Variants in SOX5 observed in about 807,000 individuals in gnomAD.
SOX5 encodes SRY-box transcription factor 5, also known as transcription factor SOX-5.
SOX5 carries 9 observed loss-of-function variants against 92.0 expected under a neutral mutation model. The ratio of observed to expected loss-of-function variants is 0.10; its 90% CI spans 0.06 to 0.17. The LOEUF (loss-of-function observed/expected upper bound fraction) is 0.17. SOX5 is among the 10% of genes least tolerant of loss of function. The pLI is 1.00. For missense variants in SOX5, 642 were observed against 944.5 expected, an observed-to-expected ratio of 0.68 and a Z score of 4.20; for synonymous variants, 344 against 336.3, an observed-to-expected ratio of 1.02 and a Z score of -0.25.
At chr12:24,482,039 T>A (rs1946052652) in intron 1 of SOX5, among the ~76,000 whole-genome samples, 1 of 152,122 alleles carries the variant, frequency 6.6e-6, no homozygotes. Context: ...AAACAAAACA[T>A]GTGAATAGAA....
At chr12:23,725,723 G>A (rs75314168) in intron 6 of SOX5, among the ~76,000 whole-genome samples, 4,153 of 150,470 alleles carry the variant, frequency 0.028, 205 homozygotes, top group African/African-American at 0.095. Flanking sequence ...GTGTAGATAC[G>A]GAAGTCAGAT....
At chr12:24,150,922 T>A (rs1951589903) in intron 4 of SOX5, among the ~76,000 whole-genome samples, 1 of 152,102 alleles carries the variant, frequency 6.6e-6, no homozygotes, top group Non-Finnish European at 1.5e-5. Context: ...AACAAAGGCT[T>A]TGTTTTAGGA....
At chr12:24,106,530 T>C (rs559973957) in intron 4 of SOX5, among the ~76,000 whole-genome samples, 1 of 152,164 alleles carries the variant, frequency 6.6e-6, no homozygotes, top group East Asian at 1.9e-4. Flanking sequence ...GTGACTCATG[T>C]CTGTAATCCC....
chr12:23,863,936 C>T (rs1269365413), intron 2 of SOX5, among the ~76,000 whole-genome samples: 2 of 151,540 alleles, frequency 1.3e-5, no homozygotes, highest in Non-Finnish European at 2.9e-5. Flanking sequence ...AATACAGGCA[C>T]CTTGTTTTAT....
chr12:24,524,336 C>G (rs995087665), intron 1 of SOX5, among the ~76,000 whole-genome samples: 1 of 135,594 alleles, frequency 7.4e-6, no homozygotes, highest in African/African-American at 2.7e-5. Context: ...AATAAATCCC[C>G]TCCCATCTAT....
At chr12:24,397,553 TAGTA>T (rs1960358899) in intron 1 of SOX5, among the ~76,000 whole-genome samples, 1 of 152,154 alleles carries the variant, frequency 6.6e-6, no homozygotes, top group Admixed American at 6.5e-5. Flanking sequence ...TCTAAATATT[TAGTA>T]AGTATTTATT....
rs556034712 is a variant in SOX5, at chr12:23,903,055, T to C, written c.39-7031A>G. ...AGTTCTGATGGAAACAGGAAATATATACCTACTCATCCATTTATCCACCTA... is the reference window on the plus strand; with the variant it reads ...AGTTCTGATGGAAACAGGAAATATACACCTACTCATCCATTTATCCACCTA... On this transcript the variant is annotated intron_variant, in intron 1 of 14. Coordinates refer to ENST00000451604, the MANE Select transcript of SOX5 (RefSeq NM_006940.6). 5.3e-5 allele frequency among the ~76,000 whole-genome samples: 8 copies of C among 152,284 alleles called. No homozygotes were observed. The South Asian group carries it at 1.4e-3, about 28-fold the overall frequency.
In SOX5 at chr12:24,491,908, C is replaced by T. The variant is rs112637518; in HGVS notation, c.-251+70421G>A. Reference sequence around the variant, plus strand: ...TGTTTTGTTTTTTTAAGGTAAACTACGAGCCAGCAGGTTGCCACATGTTCA... The same window carrying T: ...TGTTTTGTTTTTTTAAGGTAAACTATGAGCCAGCAGGTTGCCACATGTTCA... On this transcript the variant is annotated intron_variant, in intron 1 of 4. Transcript: ENST00000446891. Among the ~76,000 whole-genome samples, 666 of 151,658 alleles carry T rather than the reference C, an allele frequency of 4.4e-3. 4 individuals are homozygous for T. Among genetic ancestry groups the T allele is most frequent in the African/African-American group, 0.014 (600 of 41,402 alleles).
intron 2 of SOX5, among the ~76,000 whole-genome samples, chr12:24,336,072 CG>C (rs1951861857): frequency 7.1e-6 from 1 of 141,088 alleles, no homozygotes. Context: ...TATGGGGATA[CG>C]TTTTTTTTGT....
At chr12:24,375,799 A>G (rs1256272180) in intron 1 of SOX5, among the ~76,000 whole-genome samples, 1 of 151,796 alleles carries the variant, frequency 6.6e-6, no homozygotes, top group Non-Finnish European at 1.5e-5. Flanking sequence ...TTTGTATATT[A>G]AAGTGGATGA....
intron 3 of SOX5, among the ~76,000 whole-genome samples, chr12:23,810,960 T>A (rs779464946): frequency 6.6e-6 from 1 of 152,178 alleles, no homozygotes; most frequent in African/African-American, 2.4e-5. Context: ...ATACAAGAGT[T>A]TGCATTTCAA....
At chr12:24,220,022 C>T (rs1386793527) in intron 3 of SOX5, among the ~76,000 whole-genome samples, 4 of 151,882 alleles carry the variant, frequency 2.6e-5, no homozygotes, top group African/African-American at 9.7e-5. Context: ...TTACATAACT[C>T]GGTAATTAAT....
At chr12:23,826,942 A>G (rs897052779) in intron 3 of SOX5, among the ~76,000 whole-genome samples, 2 of 152,252 alleles carry the variant, frequency 1.3e-5, no homozygotes, top group African/African-American at 2.4e-5. Context: ...TAAATACCAT[A>G]ATAGGAGCAC....
chr12:23,998,803 C>CAAAA (rs34135570), intron 4 of SOX5, among the ~76,000 whole-genome samples: 8 of 68,048 alleles, frequency 1.2e-4, no homozygotes, highest in Admixed American at 2.3e-4. Flanking sequence ...GACTCAGTCT[C>CAAAA]AAAAAAAAAA....
At chr12:23,974,127 G>C (rs1948656930) in intron 4 of SOX5, among the ~76,000 whole-genome samples, 1 of 152,066 alleles carries the variant, frequency 6.6e-6, no homozygotes, top group African/African-American at 2.4e-5. Flanking sequence ...TTAGAACAAT[G>C]TACTACAATA....
At chr12:24,224,040 G>A (rs1326330896) in intron 3 of SOX5, among the ~76,000 whole-genome samples, 1 of 152,196 alleles carries the variant, frequency 6.6e-6, no homozygotes, top group African/African-American at 2.4e-5. Context: ...AAGCAGCAGT[G>A]GTAGACAGAT....
chr12:23,575,850 A>G lies in SOX5; in HGVS notation c.1165-12T>C. 6.5e-7 allele frequency: 1 copy of G among 1,529,226 alleles called. No individual in the cohort carries two copies. Among genetic ancestry groups the G allele is most frequent in the Non-Finnish European group, 8.8e-7 (1 of 1,139,774 alleles). The allele number at this position is 1,529,226 out of a possible 1,614,324, so 94.7% of individuals were successfully genotyped here. A position where few individuals can be genotyped will look rare whatever the true frequency, so the allele number is the denominator to read the frequency against. On this transcript the variant is annotated splice_polypyrimidine_tract_variant and intron_variant, in intron 9 of 14. Coordinates refer to ENST00000451604, the MANE Select transcript of SOX5 (RefSeq NM_006940.6). ...TGTGCCACTTCATCCTGCAATGATC[A>G]TTAGAACATGAGCTGTGATAAGGAA...
chr12:23,678,198 T>C (rs1157834362), intron 6 of SOX5, among the ~76,000 whole-genome samples: 1 of 152,098 alleles, frequency 6.6e-6, no homozygotes, highest in South Asian at 2.1e-4. Context: ...AATCATGAGT[T>C]TTTTAATCTT....
intron 2 of SOX5, among the ~76,000 whole-genome samples, chr12:24,303,568 G>A (rs957195597): frequency 6.6e-6 from 1 of 152,126 alleles, no homozygotes; most frequent in African/African-American, 2.4e-5. Flanking sequence ...GCTTAATTGA[G>A]TTATAAGTAC....
Sources: allele counts gnomAD v4.1 joint callset (sites outside exome capture counted in the v4.1 genomes callset), GRCh38; gene constraint gnomAD v4.1.1; transcripts MANE v1.5; gene names NCBI Gene and HGNC (gene_info 2026-07-23, HGNC 2026-07-21).